Variants in DYM observed in about 807,000 individuals in gnomAD.
The protein encoded by DYM is dyggve-Melchior-Clausen syndrome protein.
In DYM, 78 loss-of-function variants were observed where a neutral mutation model predicts 93.1. The observed-to-expected ratio is 0.84, with a 90% confidence interval of 0.70 to 1.01. The LOEUF is 1.01. DYM is among the 50% of genes least tolerant of loss of function. The pLI is 0.00. For missense variants in DYM, 789 were observed against 845.0 expected, an observed-to-expected ratio of 0.93 and a Z score of 0.82; for synonymous variants, 321 against 319.7, an observed-to-expected ratio of 1.00 and a Z score of -0.04.
chr18:49,205,729 T>C (rs959739837), intron 14 of DYM, among the ~76,000 whole-genome samples: 1 of 152,192 alleles, frequency 6.6e-6, no homozygotes, highest in Non-Finnish European at 1.5e-5. Context: ...GGGGACCTCA[T>C]AGACAGCACA....
chr18:49,150,062 TA>T (rs1188107993), intron 15 of DYM, among the ~76,000 whole-genome samples: 2 of 152,266 alleles, frequency 1.3e-5, no homozygotes, highest in Admixed American at 6.5e-5. Flanking sequence ...TTAAAACTGG[TA>T]ACCTGGAGAA....
chr18:49,412,251 A>AC (rs202219216), intron 2 of DYM, among the ~76,000 whole-genome samples: 2 of 151,464 alleles, frequency 1.3e-5, no homozygotes, highest in South Asian at 2.1e-4. Context: ...AAAAAAAAAA[A>AC]AAAATTCCAA....
intron 17 of DYM, among the ~76,000 whole-genome samples, chr18:49,080,657 C>A (rs1599599023): frequency 6.7e-6 from 1 of 149,742 alleles, no homozygotes. Context: ...CCCCACCTCC[C>A]TCCCGGACGG....
chr18:49,236,389 A>G (rs1031319232), intron 13 of DYM, among the ~76,000 whole-genome samples: 2 of 152,066 alleles, frequency 1.3e-5, no homozygotes, highest in East Asian at 1.9e-4. Context: ...CTGAGGCAGG[A>G]GAACGGTGTG....
At chr18:49,374,323 C>G (rs2067295044) in intron 5 of DYM, among the ~76,000 whole-genome samples, 1 of 152,096 alleles carries the variant, frequency 6.6e-6, no homozygotes, top group African/African-American at 2.4e-5. Context: ...ATATGGTAGT[C>G]AGAGAACATA....
intron 16 of DYM, chr18:49,114,533 C>T (rs903319471): frequency 2.0e-6 from 2 of 984,258 alleles, no homozygotes; most frequent in East Asian, 1.1e-4. Context: ...ACTTCCTCAC[C>T]TCCACTCTGC....
At chr18:49,355,230 T>C (rs911882490) in intron 6 of DYM, among the ~76,000 whole-genome samples, 2 of 151,878 alleles carry the variant, frequency 1.3e-5, no homozygotes, top group African/African-American at 2.4e-5. Context: ...TATAGATACA[T>C]TGATAGATGT....
intron 17 of DYM, among the ~76,000 whole-genome samples, chr18:49,093,677 G>A (rs1448887809): frequency 6.6e-6 from 1 of 152,124 alleles, no homozygotes; most frequent in Non-Finnish European, 1.5e-5. Context: ...TGTGTGGGGA[G>A]GCAGAAGAGA....
chr18:49,148,040 G>GT (rs2085359902), intron 15 of DYM, among the ~76,000 whole-genome samples: 1 of 152,182 alleles, frequency 6.6e-6, no homozygotes, highest in Admixed American at 6.5e-5. Context: ...CATGTCTTTT[G>GT]TAGGGACATG....
At chr18:49,194,987 ACTACT>A (rs1229806374) in intron 14 of DYM, among the ~76,000 whole-genome samples, 1 of 152,138 alleles carries the variant, frequency 6.6e-6, no homozygotes, top group Non-Finnish European at 1.5e-5. Context: ...GCTTGCTAGG[ACTACT>A]CTATTTTCAA....
At chr18:49,044,539 G>A (rs987635618) in intron 17 of DYM, among the ~76,000 whole-genome samples, 10 of 152,238 alleles carry the variant, frequency 6.6e-5, no homozygotes, top group Non-Finnish European at 1.3e-4. Flanking sequence ...AGGCAGACAA[G>A]GCTCAGGCTG....
chr18:49,180,979 A>C (rs1251638858), intron 14 of DYM, among the ~76,000 whole-genome samples: 6 of 152,196 alleles, frequency 3.9e-5, no homozygotes, highest in Non-Finnish European at 8.8e-5. Context: ...AACAAATTCT[A>C]ACTTCAAAAA....
intron 17 of DYM, among the ~76,000 whole-genome samples, chr18:49,088,439 A>T (rs1326982141): frequency 6.6e-6 from 1 of 152,004 alleles, no homozygotes; most frequent in African/African-American, 2.4e-5. Context: ...AAGGGATAGC[A>T]TTAGGAGATA....
intron 13 of DYM, among the ~76,000 whole-genome samples, chr18:49,214,458 G>A (rs2092935787): frequency 6.6e-6 from 1 of 151,890 alleles, no homozygotes; most frequent in African/African-American, 2.4e-5. Flanking sequence ...CCCTGTCCGT[G>A]GAAAAACTGA....
intron 5 of DYM, among the ~76,000 whole-genome samples, chr18:49,372,957 A>T (rs1266328148): frequency 6.6e-6 from 1 of 151,980 alleles, no homozygotes; most frequent in East Asian, 1.9e-4. Context: ...TTCTCCCACT[A>T]CCCTTACATT....
At chr18:49,458,674 C>A (rs1450418255) in intron 1 of DYM, among the ~76,000 whole-genome samples, 1 of 151,966 alleles carries the variant, frequency 6.6e-6, no homozygotes, top group African/African-American at 2.4e-5. Flanking sequence ...CCCGTCTCTA[C>A]TAAAAATACA....
Position 49,435,253 on chromosome 18 carries a change from T to C in DYM, c.-53-4806A>G, listed in dbSNP as rs547430887. 2.8e-5 allele frequency among the ~76,000 whole-genome samples: 4 copies of C among 145,218 alleles called. No individual in the cohort carries two copies. In the East Asian group the frequency reaches 8.0e-4, roughly 29 times the overall value. On this transcript the variant is annotated intron_variant, in intron 1 of 17. Transcript: ENST00000675505. ...AGAAGTGAAATGAAGGACAGCAATGTATATGTGAACTGAAAATGCAACAGA... is the reference window on the plus strand; with the variant it reads ...AGAAGTGAAATGAAGGACAGCAATGCATATGTGAACTGAAAATGCAACAGA...
chr18:49,433,530 T>C (rs9959018), intron 1 of DYM, among the ~76,000 whole-genome samples: 3,640 of 152,192 alleles, frequency 0.024, 138 homozygotes, highest in African/African-American at 0.082. Flanking sequence ...TAGTGCTCAA[T>C]AGAAAATATG....
chr18:49,255,446 G>A (rs572574605), intron 13 of DYM, among the ~76,000 whole-genome samples: 1 of 152,174 alleles, frequency 6.6e-6, no homozygotes, highest in South Asian at 2.1e-4. Context: ...GAGGCAAGGT[G>A]GGCGGATCAT....
Sources: allele counts gnomAD v4.1 joint callset (sites outside exome capture counted in the v4.1 genomes callset), GRCh38; gene constraint gnomAD v4.1.1; transcripts MANE v1.5; gene names NCBI Gene and HGNC (gene_info 2026-07-23, HGNC 2026-07-21).